NUAK1: variants seen among roughly 807,000 people sequenced by gnomAD.
NUAK1 encodes the protein NUAK family kinase 1.
Under a neutral mutation model 56.9 loss-of-function variants are expected in NUAK1, and 26 were observed. The observed-to-expected ratio is 0.46, with a 90% CI of 0.33 to 0.63. NUAK1 has a LOEUF of 0.63. Ranked by LOEUF, NUAK1 falls within the 30% of genes least tolerant of loss-of-function variation. NUAK1 has a pLI of 0.02. For missense variants in NUAK1, 727 were observed against 876.1 expected, an observed-to-expected ratio of 0.83 and a Z score of 2.15; for synonymous variants, 337 against 336.0, an observed-to-expected ratio of 1.00 and a Z score of -0.03.
At position 106,065,684 on chromosome 12, in the gene NUAK1, G is replaced by A. The variant is rs150629770; in HGVS notation, c.*1118C>T. On this transcript the variant is annotated 3_prime_UTR_variant, in exon 7 of 7. Transcript: ENST00000261402. ...AAACCATCTGTCACTGGTGAACAGA[G>A]CCAATGGTTCAGCCAGGTAATCCTC... is the stretch of plus-strand genomic sequence containing the variant. 1.4e-3 allele frequency: 207 copies of A among 152,724 alleles called. 1 individual carries two copies. Among genetic ancestry groups the A allele is most frequent in the African/African-American group, 4.9e-3 (203 of 41,560 alleles). 9.5% of individuals were successfully genotyped at this position (152,724 alleles called of 1,614,324 possible).
intron 1 of NUAK1, among the ~76,000 whole-genome samples, chr12:106,125,733 T>C (rs2033019356): frequency 1.3e-5 from 2 of 152,132 alleles, no homozygotes; most frequent in African/African-American, 2.4e-5. Context: ...CACACACTCA[T>C]TCATTTCCTC....
At chr12:106,137,211 C>T (rs2033138401) in intron 1 of NUAK1, among the ~76,000 whole-genome samples, 1 of 152,014 alleles carries the variant, frequency 6.6e-6, no homozygotes, top group Non-Finnish European at 1.5e-5. Context: ...GTTTTTTTCA[C>T]AGAACTGTTC....
In NUAK1 at chr12:106,066,646, G is replaced by A. The variant is rs575607573; in HGVS notation, c.*156C>T. The A allele has an allele frequency of 1.5e-6, 1 of 684,636 alleles. No individual in the cohort carries two copies. The highest frequency in any genetic ancestry group is 1.8e-5 in the South Asian group (1 of 56,242). 42.4% of individuals were successfully genotyped at this position (684,636 alleles called of 1,614,324 possible). ...AGAAGAGCCCACCTCTCCCTTTTAGGTGTTGGCTCAAGGCTGCAAACTTGG... is the reference window on the plus strand; with the variant it reads ...AGAAGAGCCCACCTCTCCCTTTTAGATGTTGGCTCAAGGCTGCAAACTTGG... On this transcript the variant is annotated 3_prime_UTR_variant, in exon 7 of 7. Transcript: ENST00000261402.
intron 2 of NUAK1, among the ~76,000 whole-genome samples, chr12:106,094,745 C>T (rs900518463): frequency 2.0e-5 from 3 of 152,168 alleles, no homozygotes; most frequent in Non-Finnish European, 4.4e-5. Context: ...GTGGACTCCA[C>T]GGAAGGCAGA....
At chr12:106,078,271 G>A (rs923078052) in intron 4 of NUAK1, among the ~76,000 whole-genome samples, 1 of 152,204 alleles carries the variant, frequency 6.6e-6, no homozygotes, top group Non-Finnish European at 1.5e-5. Flanking sequence ...TATATGCCAG[G>A]CACGGTTCTG....
Position 106,065,164 on chromosome 12 carries a change from T to G in NUAK1, c.*1638A>C, listed in dbSNP as rs1055518889. 6.6e-6 allele frequency: 1 copy of G among 152,250 alleles called. No homozygotes were observed. The highest frequency in any genetic ancestry group is 1.5e-5 in the Non-Finnish European group (1 of 68,044). 9.4% of individuals were successfully genotyped at this position (152,250 alleles called of 1,614,324 possible). The stretch of plus-strand genomic sequence containing the variant: ...TGGCCATCTTGAACTGAGTTCAATT[T>G]GCCTTGGCCAGCAGAATCTGAAGTC... On this transcript the variant is annotated 3_prime_UTR_variant, in exon 7 of 7. Coordinates refer to ENST00000261402, the MANE Select transcript of NUAK1 (RefSeq NM_014840.3).
At chr12:106,091,622 A>G (rs1264425489) in intron 2 of NUAK1, among the ~76,000 whole-genome samples, 1 of 152,172 alleles carries the variant, frequency 6.6e-6, no homozygotes, top group Admixed American at 6.5e-5. Context: ...AAAGCCCACA[A>G]GGAGCTGCAG....
chr12:106,088,069 G>T (rs978800908), intron 2 of NUAK1, among the ~76,000 whole-genome samples: 11 of 152,198 alleles, frequency 7.2e-5, no homozygotes, highest in Non-Finnish European at 7.3e-5. Flanking sequence ...TATGTTCAAA[G>T]TCAGGGTTCC....
chr12:106,070,983 G>A, intron 5 of NUAK1, 77 bp from the exon 6 acceptor site: 1 of 1,534,094 alleles, frequency 6.5e-7, no homozygotes, highest in South Asian at 1.1e-5. Context: ...TAGCATCATA[G>A]CCTGTGAGCA....
chr12:106,122,187 C>T (rs899856344), intron 1 of NUAK1, among the ~76,000 whole-genome samples: 3 of 152,094 alleles, frequency 2.0e-5, no homozygotes, highest in South Asian at 2.1e-4. Context: ...AACATCCACA[C>T]GTGGTAATCC....
intron 2 of NUAK1, among the ~76,000 whole-genome samples, chr12:106,096,881 G>C (rs904539616): frequency 4.6e-5 from 7 of 152,166 alleles, no homozygotes; most frequent in Admixed American, 6.5e-5. Flanking sequence ...ATTTTTGGGG[G>C]TGAGACCCAG....
intron 2 of NUAK1, among the ~76,000 whole-genome samples, chr12:106,102,200 G>A (rs2032756649): frequency 1.3e-5 from 2 of 152,120 alleles, no homozygotes; most frequent in Non-Finnish European, 2.9e-5. Context: ...CCTATAGGTC[G>A]CAAAACACTT....
chr12:106,112,870 G>C (rs12317084), intron 1 of NUAK1, among the ~76,000 whole-genome samples: 37,544 of 152,114 alleles, frequency 0.25, 7,847 homozygotes, highest in African/African-American at 0.58. Flanking sequence ...GCCCTTTAAT[G>C]TTGTAAGAGG....
At chr12:106,085,579 G>C (rs1450685659) in intron 3 of NUAK1, among the ~76,000 whole-genome samples, 1 of 152,226 alleles carries the variant, frequency 6.6e-6, no homozygotes, top group Non-Finnish European at 1.5e-5. Flanking sequence ...GAGAAAGTCT[G>C]AATGAGATGA....
chr12:106,106,989 G>C (rs201003472), intron 1 of NUAK1, among the ~76,000 whole-genome samples: 28 of 152,226 alleles, frequency 1.8e-4, no homozygotes, highest in African/African-American at 6.0e-4. Context: ...GGCCAACCTC[G>C]AGGCCAGCTC....
rs747119666 is a variant in NUAK1 at position 106,070,831 on chromosome 12, T to C, written c.775A>G (p.Lys259Glu). 3 of 1,614,176 alleles carry C rather than the reference T, an allele frequency of 1.9e-6. No individual in the cohort carries two copies. Among genetic ancestry groups the C allele is most frequent in the South Asian group, 1.1e-5 (1 of 91,072 alleles). ...GTMPFDGFDHKNLIRQISSGE... is the reference protein window; with the variant it reads ...GTMPFDGFDHENLIRQISSGE... ...CTGCTGATTTGCCGAATGAGGTTTT[T>C]GTGATCGAAACCATCGAAGGGCATT... The change falls in exon 6 of 7, where the codon AAA becomes GAA. Residue 259 changes from lysine (K) to glutamate (E), a missense_variant. By Grantham distance (56) the Lys-to-Glu change is moderately conservative (BLOSUM62 1). Transcript: ENST00000261402.
chr12:106,109,811 C>A (rs2032840386), intron 1 of NUAK1, among the ~76,000 whole-genome samples: 1 of 152,148 alleles, frequency 6.6e-6, no homozygotes, highest in South Asian at 2.1e-4. Context: ...GTAAGGATTA[C>A]ACATCAGGTG....
chr12:106,082,309 G>A (rs2032525785), intron 4 of NUAK1, among the ~76,000 whole-genome samples: 1 of 152,174 alleles, frequency 6.6e-6, no homozygotes, highest in South Asian at 2.1e-4. Flanking sequence ...CATTACTAAG[G>A]GGCAGGGTTG....
chr12:106,072,634 T>C lies in NUAK1; in HGVS notation c.699+90A>G, dbSNP rs2136456907. On this transcript the variant is annotated intron_variant, in intron 5 of 6. Transcript: ENST00000261402. ...CTTGCTGGCTTTTTTAGGCTCTGTT[T>C]TTTTAAGCATTTCTCGAATCCAGTT... The C allele has an allele frequency of 2.1e-6, 3 of 1,419,674 alleles. No homozygotes were observed. The East Asian group carries it at 7.1e-5, about 33-fold the overall frequency. 87.9% of individuals were successfully genotyped at this position (1,419,674 alleles called of 1,614,324 possible). A position where few individuals can be genotyped will look rare whatever the true frequency, so the allele number is the denominator to read the frequency against.
Sources: gnomAD v4.1 joint callset for allele counts (sites outside exome capture counted in the v4.1 genomes callset) on GRCh38, gnomAD v4.1.1 for gene constraint, MANE v1.5 for transcripts, NCBI Gene and HGNC (gene_info 2026-07-23, HGNC 2026-07-21) for gene names.